Variants in RNF157 observed in about 807,000 individuals in gnomAD.
RNF157 encodes the protein ring finger protein 157.
A neutral mutation model predicts 88.3 loss-of-function variants in RNF157; 55 were observed. The ratio of observed to expected loss-of-function variants is 0.62; its 90% CI spans 0.50 to 0.78. The LOEUF (loss-of-function observed/expected upper bound fraction) is 0.78, where lower values mean the gene tolerates loss of function less well. RNF157 is among the 30% of genes least tolerant of loss of function. The probability of loss-of-function intolerance (pLI) is 0.00; values close to 1 mark genes in which losing one functional copy is unlikely to be tolerated. For missense variants in RNF157, 788 were observed against 860.8 expected (o/e 0.92, Z 1.06); for synonymous variants, 334 against 341.2 (o/e 0.98, Z 0.23).
intron 2 of RNF157, among the ~76,000 whole-genome samples, chr17:76,210,333 C>G (rs1036048679): frequency 6.6e-6 from 1 of 151,882 alleles, no homozygotes; most frequent in African/African-American, 2.4e-5. Flanking sequence ...GTGGCTCATG[C>G]CTGTAATCCC....
rs146952775 is a variant in RNF157 at position 76,166,509 on chromosome 17, G to C, written c.580C>G (p.Arg194Gly). ...TGTACCACTAGAGGGTAAACTTCTC[G>C]GTCTAAATCAAAGCCAAGCTGAAGG... ...AEEELGFDLDREVYPLVVHAV... is the reference protein window; with the variant it reads ...AEEELGFDLDGEVYPLVVHAV... The change falls in exon 6 of 19, where the codon CGA (arginine) becomes GGA (glycine). Residue 194 changes from arginine (R) to glycine (G), a missense_variant. Physicochemically the swap from Arg to Gly is moderately radical, Grantham distance 125 (BLOSUM62 -2). Coordinates refer to ENST00000269391, the MANE Select transcript of RNF157 (RefSeq NM_052916.3). 6.2e-7 allele frequency: 1 copy of C among 1,613,730 alleles called. No homozygotes were observed. The highest frequency in any genetic ancestry group is 1.3e-5 in the African/African-American group (1 of 74,886).
chr17:76,198,623 C>A (rs2069517898), intron 2 of RNF157, among the ~76,000 whole-genome samples: 2 of 152,206 alleles, frequency 1.3e-5, no homozygotes, highest in Admixed American at 1.3e-4. Context: ...AGCCTGAGGT[C>A]AAACCTCCAT....
intron 2 of RNF157, among the ~76,000 whole-genome samples, chr17:76,206,168 C>T (rs550761913): frequency 1.3e-5 from 2 of 152,058 alleles, no homozygotes; most frequent in South Asian, 2.1e-4. Context: ...GAAGTCGAGG[C>T]TGCAGTGAGC....
chr17:76,148,595 C>G (rs1358913446), intron 18 of RNF157, among the ~76,000 whole-genome samples: 1 of 139,606 alleles, frequency 7.2e-6, no homozygotes, highest in African/African-American at 2.7e-5. Flanking sequence ...GATGGAGTCT[C>G]ACTCCATCTC....
intron 2 of RNF157, among the ~76,000 whole-genome samples, chr17:76,193,796 C>T (rs533086849): frequency 6.6e-6 from 1 of 152,374 alleles, no homozygotes; most frequent in Admixed American, 6.5e-5. Context: ...TGGGCAGGCT[C>T]TCCCGCATCC....
chr17:76,190,723 C>T (rs1268131220), intron 2 of RNF157, among the ~76,000 whole-genome samples: 3 of 150,598 alleles, frequency 2.0e-5, no homozygotes, highest in African/African-American at 4.9e-5. Context: ...ATCGAGACCA[C>T]GATGAAACCC....
chr17:76,148,261 CTTTT>C (rs56231427), intron 18 of RNF157, among the ~76,000 whole-genome samples: 6 of 121,168 alleles, frequency 5.0e-5, no homozygotes, highest in East Asian at 2.3e-4. Flanking sequence ...TTATCTTTGC[CTTTT>C]TTTTTTTTTT....
At chr17:76,224,135 A>C (rs1330881036) in intron 1 of RNF157, among the ~76,000 whole-genome samples, 1 of 152,210 alleles carries the variant, frequency 6.6e-6, no homozygotes, top group East Asian at 1.9e-4. Context: ...TGACTTCAAC[A>C]AAGGAAAATC....
intron 1 of RNF157, among the ~76,000 whole-genome samples, chr17:76,213,903 T>C (rs555976296): frequency 2.0e-5 from 3 of 152,330 alleles, no homozygotes; most frequent in Admixed American, 2.0e-4. Context: ...GAGGGTAACA[T>C]GCCCAGAGAC....
At chr17:76,193,885 T>C (rs1008933385) in intron 2 of RNF157, among the ~76,000 whole-genome samples, 2 of 152,154 alleles carry the variant, frequency 1.3e-5, no homozygotes, top group African/African-American at 4.8e-5. Flanking sequence ...GGAGCAATGC[T>C]GCCCTGCTAC....
At chr17:76,222,983 T>C (rs1434225216) in intron 1 of RNF157, among the ~76,000 whole-genome samples, 3 of 151,678 alleles carry the variant, frequency 2.0e-5, no homozygotes, top group South Asian at 2.1e-4. Flanking sequence ...CTCCGCCTCC[T>C]GGGTTCACGC....
intron 1 of RNF157, among the ~76,000 whole-genome samples, chr17:76,218,471 T>C (rs9911570): frequency 0.3 from 45,748 of 151,770 alleles, 7,522 homozygotes; most frequent in East Asian, 0.46. Context: ...CAAGACCTCA[T>C]CTCTACAATA....
At chr17:76,210,601 A>AAAAAAAAAAG (rs777083177) in intron 2 of RNF157, among the ~76,000 whole-genome samples, 7 of 148,512 alleles carry the variant, frequency 4.7e-5, no homozygotes, top group East Asian at 4.0e-4. Flanking sequence ...AAAAAAAAAA[A>AAAAAAAAAAG]AAAGAAAGAA....
chr17:76,225,081 A>G (rs1233104642), intron 1 of RNF157, among the ~76,000 whole-genome samples: 1 of 152,200 alleles, frequency 6.6e-6, no homozygotes. Context: ...CTGAGGCAGA[A>G]GAATCGCTTG....
In RNF157 at chr17:76,175,666, T is replaced by C. The variant is rs144042581; in HGVS notation, c.208-1876A>G. The C allele has an allele frequency of 3.1e-4, 204 of 653,810 alleles. 2 individuals are homozygous for C. The African/African-American group carries it at 3.6e-3, about 12-fold the overall frequency. The allele number at this position is 653,810 out of a possible 1,614,324, so 40.5% of individuals were successfully genotyped here. A position where few individuals can be genotyped will look rare whatever the true frequency, so the allele number is the denominator to read the frequency against. ...ATTCTAAAGCCAAAATAAATGACTT[T>C]GGGATTAAAATTTTTTTCTGGAGTA... On this transcript the variant is annotated intron_variant, in intron 2 of 18. Transcript: ENST00000269391.
rs1396236449 is a variant in RNF157 at position 76,142,816 on chromosome 17, G to C, written c.*2419C>G. 2 of 152,588 alleles carry C rather than the reference G, an allele frequency of 1.3e-5. No individual in the cohort carries two copies. Among genetic ancestry groups the C allele is most frequent in the Non-Finnish European group, 2.9e-5 (2 of 68,262 alleles). 9.5% of individuals were successfully genotyped at this position (152,588 alleles called of 1,614,324 possible). A position where few individuals can be genotyped will look rare whatever the true frequency, so the allele number is the denominator to read the frequency against. On this transcript the variant is annotated 3_prime_UTR_variant, in exon 19 of 19. Transcript: ENST00000269391. ...GATGGAGCTGGGCAGAAGGAAAAAA[G>C]GGCTCTGTGAGGAAGCCGGGATCAC...
At chr17:76,164,346 TGG>T (rs2068889700) in intron 8 of RNF157, 1 of 155,948 alleles carries the variant, frequency 6.4e-6, no homozygotes, top group African/African-American at 2.4e-5. Context: ...TACACTAAAT[TGG>T]ACCCTAATGC....
intron 2 of RNF157, among the ~76,000 whole-genome samples, chr17:76,198,966 C>T (rs987261675): frequency 1.2e-4 from 19 of 152,318 alleles, no homozygotes; most frequent in South Asian, 8.3e-4. Context: ...GGCCCTCCTC[C>T]GACGTGTTCA....
At chr17:76,206,000 C>G (rs1341378480) in intron 2 of RNF157, among the ~76,000 whole-genome samples, 1 of 152,164 alleles carries the variant, frequency 6.6e-6, no homozygotes, top group Non-Finnish European at 1.5e-5. Flanking sequence ...GAGGCCAAGA[C>G]AGGAAGACTA....
Sources: allele counts gnomAD v4.1 joint callset (sites outside exome capture counted in the v4.1 genomes callset), GRCh38; gene constraint gnomAD v4.1.1; transcripts MANE v1.5; gene names NCBI Gene and HGNC (gene_info 2026-07-23, HGNC 2026-07-21).